Variants in TRPM7 observed in about 807,000 individuals in gnomAD.
TRPM7 encodes the protein transient receptor potential cation channel subfamily M member 7, also known as LTRPC ion channel family member 7.
Under a neutral mutation model 229.7 loss-of-function variants are expected in TRPM7, and 134 were observed. The observed-to-expected ratio is 0.58, with a 90% confidence interval of 0.51 to 0.67. The LOEUF (loss-of-function observed/expected upper bound fraction) is 0.67. TRPM7 is among the 30% of genes least tolerant of loss of function. TRPM7 has a pLI of 0.00. For synonymous variants in TRPM7, 699 were observed against 715.2 expected, an observed-to-expected ratio of 0.98 and a Z score of 0.36; for missense variants, 1,901 against 2,210.0, an observed-to-expected ratio of 0.86 and a Z score of 2.80.
chr15:50,653,126 A>C (rs1207816854), intron 3 of TRPM7, among the ~76,000 whole-genome samples: 2 of 152,140 alleles, frequency 1.3e-5, no homozygotes, highest in Admixed American at 6.6e-5. Flanking sequence ...TCTGGGCCAC[A>C]GAGTGAGACC....
At chr15:50,631,610 T>C (rs1009992222) in intron 9 of TRPM7, 121 bp from the exon 10 acceptor site, 3 of 513,478 alleles carry the variant, frequency 5.8e-6, no homozygotes, top group South Asian at 3.9e-5. Context: ...TAGGAATCTA[T>C]GTATTATGTA....
At chr15:50,587,404 G>GTTT (rs1469787202) in intron 27 of TRPM7, among the ~76,000 whole-genome samples, 3 of 107,344 alleles carry the variant, frequency 2.8e-5, no homozygotes, top group African/African-American at 3.3e-5. Context: ...AATAAATACT[G>GTTT]CTTTTTTTTT....
At chr15:50,628,822 A>G in intron 10 of TRPM7, among the ~76,000 whole-genome samples, 1 of 152,250 alleles carries the variant, frequency 6.6e-6, no homozygotes, top group East Asian at 1.9e-4. Context: ...TCACAGAGAT[A>G]GCGCTATTAG....
chr15:50,588,222 A>G, intron 27 of TRPM7: 2 of 984,982 alleles, frequency 2.0e-6, no homozygotes, highest in Non-Finnish European at 2.4e-6. Flanking sequence ...ATACTCCATA[A>G]TCACATTTCT....
rs1454331676 is a variant in TRPM7, at chr15:50,686,761, G to A, written c.-228C>T. 1.4e-5 allele frequency: 7 copies of A among 490,234 alleles called. No homozygotes were observed. The highest frequency in any genetic ancestry group is 4.1e-5 in the African/African-American group (2 of 48,846). 30.4% of individuals were successfully genotyped at this position (490,234 alleles called of 1,614,324 possible). ...TCCGGGTGACTGGCCACAGGGACGC[G>A]CCCGCGCCCGCCTCCGCCGGCGACG... On this transcript the variant is annotated 5_prime_UTR_variant, in exon 1 of 39. Coordinates refer to ENST00000646667, the MANE Select transcript of TRPM7 (RefSeq NM_017672.6).
At chr15:50,672,336 G>A (rs1396880280) in intron 1 of TRPM7, among the ~76,000 whole-genome samples, 3 of 151,760 alleles carry the variant, frequency 2.0e-5, no homozygotes, top group African/African-American at 4.8e-5. Flanking sequence ...GATTACAGGC[G>A]TGAGCCACCT....
chr15:50,627,243 T>C (rs2060589153), intron 11 of TRPM7, among the ~76,000 whole-genome samples: 1 of 152,080 alleles, frequency 6.6e-6, no homozygotes, highest in South Asian at 2.1e-4. Flanking sequence ...AAATAATAGC[T>C]ACATTATATG....
At chr15:50,564,359 G>C (rs1001175340) in intron 38 of TRPM7, among the ~76,000 whole-genome samples, 1 of 151,460 alleles carries the variant, frequency 6.6e-6, no homozygotes, top group African/African-American at 2.4e-5. Flanking sequence ...ACAGGAGCTT[G>C]GGAAATATGT....
rs977583799 is a variant in TRPM7 at position 50,654,841 on chromosome 15, A to C, written c.122+2940T>G. Among the ~76,000 whole-genome samples, 73 of 148,622 alleles carry C rather than the reference A, an allele frequency of 4.9e-4. 1 individual carries two copies. Among genetic ancestry groups the C allele is most frequent in the African/African-American group, 1.7e-3 (71 of 40,876 alleles). On this transcript the variant is annotated intron_variant, in intron 3 of 38. Transcript: ENST00000646667. ...TGAAACCCCATCTCTACTAAAAAAA[A>C]CCACAAAAAACTACCCGGGTGTGGC...
chr15:50,564,529 T>G (rs1596043458), intron 38 of TRPM7, among the ~76,000 whole-genome samples: 1 of 151,794 alleles, frequency 6.6e-6, no homozygotes, highest in African/African-American at 2.4e-5. Flanking sequence ...AGTCATGCAT[T>G]AACATATATA....
At chr15:50,627,954 C>A (rs947416481) in intron 11 of TRPM7, among the ~76,000 whole-genome samples, 195 bp downstream of exon 11, 1 of 151,968 alleles carries the variant, frequency 6.6e-6, no homozygotes, top group Non-Finnish European at 1.5e-5. Context: ...ATATACTCTA[C>A]AAAAAAATAA....
At chr15:50,676,144 A>G (rs548863788) in intron 1 of TRPM7, among the ~76,000 whole-genome samples, 2 of 152,204 alleles carry the variant, frequency 1.3e-5, no homozygotes, top group Non-Finnish European at 2.9e-5. Flanking sequence ...TCTACCAGCA[A>G]TAAGGGACAT....
At position 50,654,612 on chromosome 15, in the gene TRPM7, G is replaced by A. The variant is rs530339654; in HGVS notation, c.122+3169C>T. Among the ~76,000 whole-genome samples, 5 of 151,570 alleles carry A rather than the reference G, an allele frequency of 3.3e-5. No homozygotes were observed. The South Asian group carries it at 6.2e-4, about 19-fold the overall frequency. ...ACAGGAATAGACAGTCATAATGAGA[G>A]TGCACATGGTGCATCTCAGCAGTAA... is the stretch of plus-strand genomic sequence containing the variant. On this transcript the variant is annotated intron_variant, in intron 3 of 38. Coordinates refer to ENST00000646667, the MANE Select transcript of TRPM7 (RefSeq NM_017672.6).
intron 38 of TRPM7, among the ~76,000 whole-genome samples, chr15:50,567,123 T>G (rs1402228935): frequency 1.3e-5 from 2 of 152,048 alleles, no homozygotes; most frequent in South Asian, 4.1e-4. Flanking sequence ...AACAGTCCTA[T>G]CTCTATTAAA....
chr15:50,597,525 G>A (rs1002198066), intron 22 of TRPM7, among the ~76,000 whole-genome samples: 16 of 152,172 alleles, frequency 1.1e-4, no homozygotes, highest in South Asian at 4.1e-4. Flanking sequence ...ATTAGTTTGC[G>A]GAAGCAAATA....
chr15:50,592,463 T>C lies in TRPM7; in HGVS notation c.3772A>G (p.Ser1258Gly), dbSNP rs2059530343. Residue 1258 changes from serine to glycine, a missense_variant, in exon 26 of 39, where the codon AGC (serine) becomes GGC (glycine). Around this residue, in one of 8 missense-constraint regions of TRPM7, gnomAD observed 533 missense variants for 497.1 expected, o/e 1.07. Transcript: ENST00000646667. ...TLTAQKASEA[S>G]KVHNEITREL... ...CGTGTGATTTCATTATGAACTTTGCTAGCTTCCGACGCTTTCTGGGCAGTG... is the reference window on the plus strand; with the variant it reads ...CGTGTGATTTCATTATGAACTTTGCCAGCTTCCGACGCTTTCTGGGCAGTG... 4 of 1,614,188 alleles carry C rather than the reference T, an allele frequency of 2.5e-6. No homozygotes were observed. Among genetic ancestry groups the C allele is most frequent in the Non-Finnish European group, 3.4e-6 (4 of 1,180,036 alleles).
rs576743926 is a variant in TRPM7, at chr15:50,670,544, T to C, written c.4-7498A>G. On this transcript the variant is annotated intron_variant, in intron 1 of 38. Transcript: ENST00000646667. ...CTAAAAGACACTCTAACCAGCACCA[T>C]GACAGTTTACAGATGCCATGGCAAC... 6.6e-4 allele frequency among the ~76,000 whole-genome samples: 101 copies of C among 152,116 alleles called. 1 individual carries two copies. The highest frequency in any genetic ancestry group is 4.1e-4 in the South Asian group (2 of 4,828).
At chr15:50,576,006 T>C in intron 31 of TRPM7, 87 bp from the exon 32 acceptor site, 3 of 1,355,048 alleles carry the variant, frequency 2.2e-6, no homozygotes, top group Non-Finnish European at 3.1e-6. Context: ...AAAATCATTT[T>C]GAATTTCCAT....
At chr15:50,684,423 T>C (rs971081036) in intron 1 of TRPM7, among the ~76,000 whole-genome samples, 1 of 152,052 alleles carries the variant, frequency 6.6e-6, no homozygotes, top group African/African-American at 2.4e-5. Context: ...GCCAGATCAC[T>C]GGACATCAGG....
Sources: allele counts gnomAD v4.1 joint callset (sites outside exome capture counted in the v4.1 genomes callset), GRCh38; gene constraint gnomAD v4.1.1; regional missense constraint gnomAD v4.1.1; transcripts MANE v1.5; gene names NCBI Gene and HGNC (gene_info 2026-07-23, HGNC 2026-07-21).